Variants in ZC3H7B observed in about 807,000 individuals in gnomAD.
ZC3H7B encodes zinc finger CCCH-type containing 7B.
ZC3H7B carries 35 observed loss-of-function variants against 116.0 expected under a neutral mutation model. The observed-to-expected ratio is 0.30, with a 90% CI of 0.23 to 0.40. The LOEUF (loss-of-function observed/expected upper bound fraction) is 0.40. Among genes scored for constraint, ZC3H7B ranks in the 10% least tolerant of loss-of-function variants. The probability of loss-of-function intolerance (pLI) is 1.00; values close to 1 mark genes in which losing one functional copy is unlikely to be tolerated. For synonymous variants in ZC3H7B, 502 were observed against 545.6 expected (o/e 0.92, Z 1.11); for missense variants, 1,011 against 1,321.5 (o/e 0.77, Z 3.64).
At chr22:41,353,173 G>T (rs970778830) in intron 17 of ZC3H7B, among the ~76,000 whole-genome samples, 1 of 152,180 alleles carries the variant, frequency 6.6e-6, no homozygotes, top group Non-Finnish European at 1.5e-5. Context: ...CACTGATTGT[G>T]GTATCCCCTC....
rs764836213 is a variant in ZC3H7B, at chr22:41,357,421, G to T, written c.2926G>T (p.Gly976Trp). The change falls in exon 23 of 23, where the codon GGG becomes TGG. Residue 976 changes from glycine (G) to tryptophan (W), a missense_variant. Gly to Trp is a radical substitution (Grantham distance 184, BLOSUM62 -2). Coordinates refer to ENST00000352645, the MANE Select transcript of ZC3H7B (RefSeq NM_017590.6). This position sits in a 1 kb window ranked among gnomAD's most constrained non-coding sequence, Gnocchi z 5.4. ...APAAAATATT[G>W]E Reference sequence around the variant, plus strand: ...TGCTGCTGCTGCCACCGCCACCACTGGGGAGTAGGGCCAGGTGTTGGCCGT... The same window carrying T: ...TGCTGCTGCTGCCACCGCCACCACTTGGGAGTAGGGCCAGGTGTTGGCCGT... The T allele has an allele frequency of 7.4e-6, 12 of 1,612,708 alleles. No homozygotes were observed. Among genetic ancestry groups the T allele is most frequent in the African/African-American group, 1.3e-5 (1 of 74,900 alleles).
chr22:41,353,972 C>G (rs2036683143), intron 17 of ZC3H7B, among the ~76,000 whole-genome samples: 1 of 152,194 alleles, frequency 6.6e-6, no homozygotes, highest in African/African-American at 2.4e-5. Flanking sequence ...GGTAGCTCAC[C>G]TGTAGCCCAG....
rs767153056 is a variant in ZC3H7B, at chr22:41,348,161, A to G, written c.1760A>G (p.Asn587Ser). The G allele has an allele frequency of 8.1e-6, 13 of 1,613,382 alleles. No homozygotes were observed. The East Asian group carries it at 2.2e-4, about 28-fold the overall frequency. Residue 587 changes from asparagine (N) to serine (S), a missense_variant, in exon 15 of 23, where the codon AAC (asparagine) becomes AGC (serine). Physicochemically the swap from Asn to Ser is conservative, Grantham distance 46 (BLOSUM62 1). Around this residue, in one of 5 missense-constraint regions of ZC3H7B, gnomAD observed 406 missense variants for 590.2 expected, o/e 0.69. Transcript: ENST00000352645. ...SNLAAKHSFYNNKCLVHIVRS... is the reference protein window; with the variant it reads ...SNLAAKHSFYSNKCLVHIVRS... ...CTGGCTGCCAAGCACAGCTTCTACA[A>G]CAACAAGTGAGTGGGACCCTCAGCC...
At chr22:41,341,493 C>G (rs1375167919) in intron 11 of ZC3H7B, among the ~76,000 whole-genome samples, 1 of 152,162 alleles carries the variant, frequency 6.6e-6, no homozygotes, top group Admixed American at 6.5e-5. Flanking sequence ...CCTGTAATCC[C>G]AGCACTTTGG....
At chr22:41,303,319 T>A (rs2035998366) in intron 1 of ZC3H7B, among the ~76,000 whole-genome samples, 1 of 152,162 alleles carries the variant, frequency 6.6e-6, no homozygotes, top group Non-Finnish European at 1.5e-5. Flanking sequence ...AAGTTTCTGT[T>A]CTGTAGATGC....
chr22:41,304,617 A>G (rs1601756813), intron 1 of ZC3H7B, among the ~76,000 whole-genome samples: 1 of 152,194 alleles, frequency 6.6e-6, no homozygotes, highest in Non-Finnish European at 1.5e-5. Context: ...GCTACCTGGA[A>G]AAGTTAGAGA....
rs748884629 is a variant in ZC3H7B at position 41,343,535 on chromosome 22, C to T, written c.1418C>T (p.Pro473Leu). 1.9e-6 allele frequency: 3 copies of T among 1,612,592 alleles called. No homozygotes were observed. The Admixed American group carries it at 5.0e-5, about 27-fold the overall frequency. The change falls in exon 13 of 23, where the codon CCC becomes CTC. Residue 473 changes from proline (P) to leucine (L), a missense_variant. Transcript: ENST00000352645. ...DQTWKRIRPRPTKTSFVGSYY... is the reference protein window; with the variant it reads ...DQTWKRIRPRLTKTSFVGSYY... Reference sequence around the variant, plus strand: ...ACCTGGAAGCGGATCCGGCCCCGGCCCACTAAGACCAGCTTCGTGGGCTCC... The same window carrying T: ...ACCTGGAAGCGGATCCGGCCCCGGCTCACTAAGACCAGCTTCGTGGGCTCC...
rs2036484088 is a variant in ZC3H7B at position 41,339,128 on chromosome 22, C to T, written c.753C>T (p.Ser251=). 3 of 1,613,032 alleles carry T rather than the reference C, an allele frequency of 1.9e-6. No individual in the cohort carries two copies. In the East Asian group the frequency reaches 6.7e-5, roughly 36 times the overall value. The change falls in exon 9 of 23, where the codon AGC becomes AGT. Residue 251 remains serine (S), a synonymous_variant. Transcript: ENST00000352645. ...DSSRTLPSTD[S]LDDFSDGDVF... ...GCAGGACCCTCCCCAGCACCGACAG[C>T]CTGGATGACTTCTCAGACGGGGATG...
chr22:41,327,379 G>A lies in ZC3H7B; in HGVS notation c.444+15G>A. 1.2e-6 allele frequency: 2 copies of A among 1,606,768 alleles called. No homozygotes were observed. The highest frequency in any genetic ancestry group is 1.1e-5 in the South Asian group (1 of 91,016). The stretch of plus-strand genomic sequence containing the variant: ...CCCTGCCCCACGTGAGTGTGGCTCT[G>A]CAGCCACGCCGGTGCCTGCTCAGAG... On this transcript the variant is annotated intron_variant, in intron 5 of 22. Transcript: ENST00000352645. This position sits in a 1 kb window ranked among gnomAD's most constrained non-coding sequence, Gnocchi z 4.5.
intron 7 of ZC3H7B, 139 bp downstream of exon 7, chr22:41,332,366 G>A (rs1485066425): frequency 9.5e-7 from 1 of 1,051,400 alleles, no homozygotes; most frequent in African/African-American, 1.6e-5. Flanking sequence ...GTGTCCACGG[G>A]GGCAGGATGT....
chr22:41,318,164 G>A (rs775536563), intron 1 of ZC3H7B, among the ~76,000 whole-genome samples: 3 of 152,104 alleles, frequency 2.0e-5, no homozygotes, highest in Non-Finnish European at 4.4e-5. Flanking sequence ...GGTGACACAC[G>A]TGGCTCATGC....
At position 41,346,337 on chromosome 22, in the gene ZC3H7B, C is replaced by A. The variant is rs2145935768; in HGVS notation, c.1665+129C>A. 3 of 994,062 alleles carry A rather than the reference C, an allele frequency of 3.0e-6. No individual in the cohort carries two copies. Among genetic ancestry groups the A allele is most frequent in the South Asian group, 1.5e-5 (1 of 64,552 alleles). The allele number at this position is 994,062 out of a possible 1,614,324, so 61.6% of individuals were successfully genotyped here. ...GGGCTGTGGAGGCCTGGTCTTAGAA[C>A]CAGTAGGTCCTGGAGGGTCAGTAAG... On this transcript the variant is annotated intron_variant, in intron 14 of 22. Coordinates refer to ENST00000352645, the MANE Select transcript of ZC3H7B (RefSeq NM_017590.6). This position sits in a 1 kb window ranked among gnomAD's most constrained non-coding sequence, Gnocchi z 5.3.
chr22:41,332,509 G>A, intron 7 of ZC3H7B: 1 of 421,102 alleles, frequency 2.4e-6, no homozygotes, highest in East Asian at 3.9e-5. Context: ...TCTGCCTCCT[G>A]CCCCACATTT....
At chr22:41,356,942 G>T (rs891375991) in intron 22 of ZC3H7B, 134 bp downstream of exon 22, 2 of 1,390,846 alleles carry the variant, frequency 1.4e-6, no homozygotes, top group South Asian at 1.3e-5. Context: ...CTGCAGCCAT[G>T]GGGGTGGTGG....
chr22:41,356,635 G>T lies in ZC3H7B; in HGVS notation c.2518-10G>T. 6.2e-7 allele frequency: 1 copy of T among 1,613,248 alleles called. No homozygotes were observed. ...GGGGGAGCAGGCACCCATGATGGCTGTGCTCCCAGATGGGCTACCACTGCT... is the reference window on the plus strand; with the variant it reads ...GGGGGAGCAGGCACCCATGATGGCTTTGCTCCCAGATGGGCTACCACTGCT... On this transcript the variant is annotated splice_polypyrimidine_tract_variant and intron_variant, in intron 21 of 22. Coordinates refer to ENST00000352645, the MANE Select transcript of ZC3H7B (RefSeq NM_017590.6).
At position 41,357,041 on chromosome 22, in the gene ZC3H7B, C is replaced by T; in HGVS notation, c.2682-136C>T. The stretch of plus-strand genomic sequence containing the variant: ...AGATCCCAGAGAGGGTCAGGACACC[C>T]AGGTTTTCCCTGAGCTGGGACCCAG... On this transcript the variant is annotated intron_variant, in intron 22 of 22. Coordinates refer to ENST00000352645, the MANE Select transcript of ZC3H7B (RefSeq NM_017590.6). The surrounding 1 kb of genome is among the most constrained non-coding windows in gnomAD (Gnocchi z 5.4). 4 of 1,435,040 alleles carry T rather than the reference C, an allele frequency of 2.8e-6. No individual in the cohort carries two copies. Among genetic ancestry groups the T allele is most frequent in the Non-Finnish European group, 3.7e-6 (4 of 1,074,672 alleles). 88.9% of individuals were successfully genotyped at this position (1,435,040 alleles called of 1,614,324 possible).
At position 41,357,687 on chromosome 22, in the gene ZC3H7B, A is replaced by G. The variant is rs2036741263; in HGVS notation, c.*258A>G. The G allele has an allele frequency of 7.2e-6, 4 of 557,868 alleles. No homozygotes were observed. Among genetic ancestry groups the G allele is most frequent in the South Asian group, 6.8e-5 (3 of 43,878 alleles). The allele number at this position is 557,868 out of a possible 1,614,324, so 34.6% of individuals were successfully genotyped here. On this transcript the variant is annotated 3_prime_UTR_variant, in exon 23 of 23. Transcript: ENST00000352645. This position sits in a 1 kb window ranked among gnomAD's most constrained non-coding sequence, Gnocchi z 5.4. ...ACCCCCACGGCTCTCCTGGTTGAGG[A>G]GGGAGGGGCCTGGCTGACCCCTCCA...
In ZC3H7B at chr22:41,325,726, T is replaced by A; in HGVS notation, c.93T>A (p.Phe31Leu). 2 of 1,613,264 alleles carry A rather than the reference T, an allele frequency of 1.2e-6. No individual in the cohort carries two copies. The highest frequency in any genetic ancestry group is 1.7e-6 in the Non-Finnish European group (2 of 1,179,742). ...ACACACCTTGCCCCCAACAGGCCTT[T>A]CTGCTCAAGCTGGTGCAGAATCTGT... Reference protein sequence around the residue: ...LPLKQEEYEAFLLKLVQNLFA... With the variant: ...LPLKQEEYEALLLKLVQNLFA... The change falls in exon 4 of 23, where the codon TTT becomes TTA. Residue 31 changes from phenylalanine to leucine, a missense_variant. Physicochemically the swap from Phe to Leu is conservative, Grantham distance 22. Transcript: ENST00000352645.
In ZC3H7B at chr22:41,357,510, G is replaced by A; in HGVS notation, c.*81G>A. 1 of 1,101,162 alleles carries A rather than the reference G, an allele frequency of 9.1e-7. No homozygotes were observed. Among genetic ancestry groups the A allele is most frequent in the East Asian group, 3.1e-5 (1 of 32,644 alleles). 68.2% of individuals were successfully genotyped at this position (1,101,162 alleles called of 1,614,324 possible). ...AAGGCCTGATAGAAGGGTCAGGGCA[G>A]GCCAGGGGGGTGGGGGGCCGCCCTC... On this transcript the variant is annotated 3_prime_UTR_variant, in exon 23 of 23. Transcript: ENST00000352645. The surrounding 1 kb of genome is among the most constrained non-coding windows in gnomAD (Gnocchi z 5.4).
Sources: gnomAD v4.1 joint callset for allele counts (sites outside exome capture counted in the v4.1 genomes callset) on GRCh38, gnomAD v4.1.1 for gene constraint, gnomAD v4.1.1 regional missense constraint, Gnocchi (gnomAD v3.1) non-coding constraint, MANE v1.5 for transcripts, NCBI Gene and HGNC (gene_info 2026-07-23, HGNC 2026-07-21) for gene names.